Variants in KDM4C observed in about 807,000 individuals in gnomAD.
KDM4C encodes the protein lysine demethylase 4C.
In KDM4C, 81 loss-of-function variants were observed where a neutral mutation model predicts 129.3. That is an observed-to-expected ratio of 0.63 (90% CI 0.52 to 0.75). KDM4C has a LOEUF of 0.75. KDM4C is among the 30% of genes least tolerant of loss of function. The pLI is 0.00. For synonymous variants in KDM4C, 573 were observed against 456.1 expected (o/e 1.26, Z -3.26); for missense variants, 1,457 against 1,304.0 (o/e 1.12, Z -1.81).
chr9:6,919,498 A>C (rs968497122), intron 8 of KDM4C, among the ~76,000 whole-genome samples: 7 of 151,180 alleles, frequency 4.6e-5, no homozygotes, highest in Admixed American at 4.0e-4. Context: ...ACTTTGAAAG[A>C]AGAATTGCCT....
chr9:7,135,526 A>G (rs1051777417), intron 19 of KDM4C, among the ~76,000 whole-genome samples: 1 of 152,146 alleles, frequency 6.6e-6, no homozygotes, highest in Non-Finnish European at 1.5e-5. Flanking sequence ...GAGCCTGCTT[A>G]AACCCATGGG....
At chr9:6,959,777 G>T (rs1374766588) in intron 8 of KDM4C, among the ~76,000 whole-genome samples, 1 of 151,980 alleles carries the variant, frequency 6.6e-6, no homozygotes, top group Non-Finnish European at 1.5e-5. Flanking sequence ...ATAACATGAC[G>T]GATATATATG....
chr9:7,174,007 CAA>C (rs891768312), intron 21 of KDM4C, among the ~76,000 whole-genome samples: 1 of 152,138 alleles, frequency 6.6e-6, no homozygotes, highest in African/African-American at 2.4e-5. Context: ...CCTGAGACAT[CAA>C]AAGTGAGCAG....
intron 3 of KDM4C, among the ~76,000 whole-genome samples, chr9:6,810,828 A>G (rs150539329): frequency 6.6e-6 from 1 of 152,120 alleles, no homozygotes; most frequent in Non-Finnish European, 1.5e-5. Flanking sequence ...TTGTGATTGC[A>G]CCATTGCCCC....
At chr9:6,796,010 TG>T (rs1564023928) in intron 2 of KDM4C, among the ~76,000 whole-genome samples, 1 of 152,062 alleles carries the variant, frequency 6.6e-6, no homozygotes, top group Admixed American at 6.6e-5. Flanking sequence ...AATATTAAGT[TG>T]AGTGAAAATT....
intron 1 of KDM4C, among the ~76,000 whole-genome samples, chr9:6,741,092 A>G (rs1272079439): frequency 6.6e-6 from 1 of 151,904 alleles, no homozygotes. Flanking sequence ...GTTTTCAACT[A>G]TGAAATATAT....
intron 4 of KDM4C, among the ~76,000 whole-genome samples, chr9:6,841,507 G>C (rs1025776958): frequency 6.6e-6 from 1 of 152,188 alleles, no homozygotes; most frequent in Non-Finnish European, 1.5e-5. Context: ...ATAAAAATAT[G>C]ATTAGTAATA....
chr9:6,918,127 T>C (rs1304290807), intron 8 of KDM4C, among the ~76,000 whole-genome samples: 1 of 152,240 alleles, frequency 6.6e-6, no homozygotes, highest in African/African-American at 2.4e-5. Context: ...ACCCAGGCAG[T>C]GAACATAGTA....
chr9:7,132,452 C>G (rs960647100), intron 19 of KDM4C, among the ~76,000 whole-genome samples: 2 of 152,190 alleles, frequency 1.3e-5, no homozygotes, highest in Non-Finnish European at 2.9e-5. Context: ...TACTTTATTT[C>G]TGTGCTAGCC....
At chr9:7,119,854 T>C (rs144799749) in intron 18 of KDM4C, among the ~76,000 whole-genome samples, 2 of 152,156 alleles carry the variant, frequency 1.3e-5, no homozygotes, top group African/African-American at 2.4e-5. Context: ...TTTTCTTTTC[T>C]GGAGGGCCTC....
chr9:7,001,603 C>T lies in KDM4C; in HGVS notation c.1787-10095C>T, dbSNP rs138651469. 5.3e-3 allele frequency among the ~76,000 whole-genome samples: 813 copies of T among 152,278 alleles called. 8 individuals are homozygous for T. Among genetic ancestry groups the T allele is most frequent in the African/African-American group, 0.019 (776 of 41,544 alleles). ...TTATCTTCCTTAGTTGGTGTGATGG[C>T]CACCCTACTTGAAGTTCTCTCCCTA... On this transcript the variant is annotated intron_variant, in intron 12 of 21. Coordinates refer to ENST00000381309, the MANE Select transcript of KDM4C (RefSeq NM_015061.6).
intron 8 of KDM4C, among the ~76,000 whole-genome samples, chr9:6,912,072 G>A (rs1819417436): frequency 6.6e-6 from 1 of 152,220 alleles, no homozygotes; most frequent in South Asian, 2.1e-4. Context: ...AGAACGGGAA[G>A]ATGGCAGGTG....
chr9:7,032,690 T>C (rs1807339495), intron 15 of KDM4C, among the ~76,000 whole-genome samples: 1 of 152,212 alleles, frequency 6.6e-6, no homozygotes, highest in Non-Finnish European at 1.5e-5. Context: ...TTGTGTGTCC[T>C]AAGAGAACCA....
intron 12 of KDM4C, among the ~76,000 whole-genome samples, chr9:7,004,138 C>G (rs1011909372): frequency 1.3e-5 from 2 of 152,216 alleles, no homozygotes; most frequent in African/African-American, 4.8e-5. Flanking sequence ...TAGCTTTTCT[C>G]ATCTGCTGAG....
chr9:6,773,295 A>G (rs72699640), intron 1 of KDM4C, among the ~76,000 whole-genome samples: 10,005 of 152,240 alleles, frequency 0.066, 491 homozygotes, highest in Non-Finnish European at 0.1. Flanking sequence ...GCCCAGCCAC[A>G]ATGTGCAAAT....
At chr9:7,144,361 T>C (rs1374856977) in intron 19 of KDM4C, among the ~76,000 whole-genome samples, 3 of 152,216 alleles carry the variant, frequency 2.0e-5, no homozygotes, top group African/African-American at 7.2e-5. Context: ...CTGGCTCTGC[T>C]TTTTAATCCC....
At chr9:7,026,608 T>A (rs1825858918) in intron 15 of KDM4C, among the ~76,000 whole-genome samples, 1 of 152,180 alleles carries the variant, frequency 6.6e-6, no homozygotes, top group Non-Finnish European at 1.5e-5. Flanking sequence ...AATCTTCTTG[T>A]ACTTTGACAT....
rs766500638 is a variant in KDM4C at position 6,984,161 on chromosome 9, G to A, written c.1116-5G>A. On this transcript the variant is annotated splice_polypyrimidine_tract_variant and splice_region_variant and intron_variant, in intron 9 of 21. Coordinates refer to ENST00000381309, the MANE Select transcript of KDM4C (RefSeq NM_015061.6). ...CGCTCTGACCACTGCTTCTCTTGTT[G>A]ACAGCTTCCAGTGTGCTAGGTCTAC... The A allele has an allele frequency of 6.1e-5, 97 of 1,601,296 alleles. No individual in the cohort carries two copies. The highest frequency in any genetic ancestry group is 7.9e-5 in the Non-Finnish European group (92 of 1,169,080).
chr9:6,874,259 A>G (rs1563739055), intron 5 of KDM4C, among the ~76,000 whole-genome samples: 1 of 152,248 alleles, frequency 6.6e-6, no homozygotes, highest in Non-Finnish European at 1.5e-5. Context: ...CAGCATCTTT[A>G]AAGCACAACA....
Sources: allele counts gnomAD v4.1 joint callset (sites outside exome capture counted in the v4.1 genomes callset), GRCh38; gene constraint gnomAD v4.1.1; transcripts MANE v1.5; gene names NCBI Gene and HGNC (gene_info 2026-07-23, HGNC 2026-07-21).